The following NFKB1 variants were observed in gnomAD, a reference collection of about 807,000 sequenced individuals.
NFKB1 encodes the protein nuclear factor NF-kappa-B p105 subunit.
In NFKB1, 9 loss-of-function variants were observed where a neutral mutation model predicts 105.1. The ratio of observed to expected loss-of-function variants is 0.09; its 90% CI spans 0.05 to 0.15. NFKB1 has a LOEUF of 0.15. NFKB1 is among the 10% of genes least tolerant of loss of function. The pLI, the probability that NFKB1 is intolerant of heterozygous loss-of-function variation, is 1.00. For missense variants in NFKB1, 830 were observed against 1,203.7 expected, an observed-to-expected ratio of 0.69 and a Z score of 4.59; for synonymous variants, 440 against 442.2, an observed-to-expected ratio of 1.00 and a Z score of 0.06.
chr4:102,574,666 T>C (rs1027431283), intron 6 of NFKB1, among the ~76,000 whole-genome samples: 1 of 152,202 alleles, frequency 6.6e-6, no homozygotes, highest in African/African-American at 2.4e-5. Context: ...TCACCTTATT[T>C]ATTTCCCTTT....
chr4:102,563,866 G>A (rs1348273729), intron 5 of NFKB1, among the ~76,000 whole-genome samples: 1 of 147,974 alleles, frequency 6.8e-6, no homozygotes, highest in African/African-American at 2.5e-5. Flanking sequence ...TGTCACCCAG[G>A]CTGGAGGGGC....
At chr4:102,611,388 C>G (rs1280065968) in intron 20 of NFKB1, among the ~76,000 whole-genome samples, 1 of 152,164 alleles carries the variant, frequency 6.6e-6, no homozygotes, top group Non-Finnish European at 1.5e-5. Flanking sequence ...CCTCATTTCC[C>G]CAGAAGGCCT....
chr4:102,596,448 T>C, intron 14 of NFKB1, 116 bp downstream of exon 14: 1 of 781,310 alleles, frequency 1.3e-6, no homozygotes, highest in Non-Finnish European at 1.8e-6. Flanking sequence ...TAGTGTACTC[T>C]TCAAAGTTCT....
intron 5 of NFKB1, among the ~76,000 whole-genome samples, chr4:102,538,418 C>T (rs1741778841): frequency 6.6e-6 from 1 of 152,158 alleles, no homozygotes; most frequent in Admixed American, 6.5e-5. Flanking sequence ...TACTTCTAAA[C>T]TTCAGTCTCT....
intron 11 of NFKB1, among the ~76,000 whole-genome samples, chr4:102,592,758 G>C (rs1726278978): frequency 6.6e-6 from 1 of 152,074 alleles, no homozygotes. Flanking sequence ...ATCTACTCCT[G>C]TTCTCAAAAG....
intron 11 of NFKB1, among the ~76,000 whole-genome samples, chr4:102,592,537 G>A (rs1726259826): frequency 6.6e-6 from 1 of 152,170 alleles, no homozygotes; most frequent in South Asian, 2.1e-4. Context: ...GCCTGTTTTA[G>A]CAATAAAGTG....
chr4:102,587,546 T>C (rs4648045), intron 11 of NFKB1, among the ~76,000 whole-genome samples: 51,423 of 151,684 alleles, frequency 0.34, 9,142 homozygotes, highest in Admixed American at 0.44. Flanking sequence ...GTGATTACTT[T>C]AATGCCTCGT....
chr4:102,610,541 G>T (rs1239954892), intron 19 of NFKB1, 34 bp from the exon 20 acceptor site: 1 of 1,609,162 alleles, frequency 6.2e-7, no homozygotes, highest in South Asian at 1.1e-5. Flanking sequence ...ACAAGATCTG[G>T]GTTTACCTAA....
rs1354311236 is a variant in NFKB1 at position 102,554,300 on chromosome 4, A to G, written c.259-12687A>G. Among the ~76,000 whole-genome samples the G allele has an allele frequency of 6.6e-5, 10 of 152,330 alleles. 1 individual carries two copies. The highest frequency in any genetic ancestry group is 2.4e-4 in the African/African-American group (10 of 41,580). On this transcript the variant is annotated intron_variant, in intron 5 of 23. Coordinates refer to ENST00000226574, the MANE Select transcript of NFKB1 (RefSeq NM_003998.4). ...GACTTCAGGCTAGGCCTGTAAATAA[A>G]TAAATAAGAAGTTAAAACATATTTG...
intron 2 of NFKB1, 69 bp downstream of exon 2, chr4:102,525,626 CATT>C: frequency 7.3e-7 from 1 of 1,367,246 alleles, no homozygotes; most frequent in South Asian, 1.3e-5. Flanking sequence ...GCAAAGGCAA[CATT>C]AGTAAGTTAG....
Position 102,588,462 on chromosome 4 carries a change from A to AT in NFKB1, c.1066+3642_1066+3643insT, listed in dbSNP as rs563608209. On this transcript the variant is annotated intron_variant, in intron 11 of 23. Transcript: ENST00000226574. The stretch of plus-strand genomic sequence containing the variant: ...ACAAAAGCAAAAAAAAATAAAAAAA[A>AT]AATAAAAGAGACCATAATGATTTTT... Among the ~76,000 whole-genome samples, 59 of 152,258 alleles carry AT rather than the reference A, an allele frequency of 3.9e-4. 2 individuals carry two copies. The South Asian group carries it at 0.012, about 32-fold the overall frequency.
At chr4:102,600,489 C>T (rs142487138) in intron 15 of NFKB1, among the ~76,000 whole-genome samples, 1 of 152,274 alleles carries the variant, frequency 6.6e-6, no homozygotes, top group East Asian at 1.9e-4. Flanking sequence ...GCCAGGCATT[C>T]ATTTTACATA....
chr4:102,504,110 G>C (rs1739269537), intron 1 of NFKB1, among the ~76,000 whole-genome samples: 1 of 152,168 alleles, frequency 6.6e-6, no homozygotes, highest in African/African-American at 2.4e-5. Context: ...CAATTGGTTT[G>C]AACTTGGGAG....
At chr4:102,609,457 C>A (rs1422421267) in intron 19 of NFKB1, among the ~76,000 whole-genome samples, 1 of 151,542 alleles carries the variant, frequency 6.6e-6, no homozygotes, top group African/African-American at 2.4e-5. Context: ...ACTAAAAATA[C>A]AAAACTTAGC....
intron 5 of NFKB1, among the ~76,000 whole-genome samples, chr4:102,547,108 A>G (rs1223959902): frequency 2.0e-5 from 3 of 152,220 alleles, no homozygotes; most frequent in Non-Finnish European, 4.4e-5. Context: ...TGGCAGAACA[A>G]TGAAAAGCAG....
At chr4:102,602,374 C>CAA (rs766610640) in intron 16 of NFKB1, among the ~76,000 whole-genome samples, 7 of 113,662 alleles carry the variant, frequency 6.2e-5, no homozygotes, top group African/African-American at 2.0e-4. Context: ...ACTAGAAATA[C>CAA]AAAAAAAAAA....
At chr4:102,502,390 G>GCA (rs754187388) in intron 1 of NFKB1, among the ~76,000 whole-genome samples, 4,979 of 105,220 alleles carry the variant, frequency 0.047, 207 homozygotes, top group African/African-American at 0.082. Flanking sequence ...GCGCGCGCGC[G>GCA]CACACACACA....
At chr4:102,544,357 T>G (rs760800279) in intron 5 of NFKB1, among the ~76,000 whole-genome samples, 1 of 152,166 alleles carries the variant, frequency 6.6e-6, no homozygotes, top group Non-Finnish European at 1.5e-5. Flanking sequence ...CCAGAAAGCC[T>G]CCCTTCAGTT....
chr4:102,528,517 T>A (rs1205435003), intron 2 of NFKB1, among the ~76,000 whole-genome samples: 1 of 152,088 alleles, frequency 6.6e-6, no homozygotes, highest in Admixed American at 6.6e-5. Context: ...CTTTCAATAA[T>A]TTACTACTAA....
Sources: allele counts gnomAD v4.1 joint callset (sites outside exome capture counted in the v4.1 genomes callset), GRCh38; gene constraint gnomAD v4.1.1; transcripts MANE v1.5; gene names NCBI Gene and HGNC (gene_info 2026-07-23, HGNC 2026-07-21).